The following ANXA10 variants were observed in gnomAD, a reference collection of about 807,000 sequenced individuals.
The protein encoded by ANXA10 is annexin A10.
ANXA10 carries 49 observed loss-of-function variants against 53.5 expected under a neutral mutation model. The ratio of observed to expected loss-of-function variants is 0.92; its 90% CI spans 0.73 to 1.16. The LOEUF (loss-of-function observed/expected upper bound fraction) is 1.16. Ranked by LOEUF, ANXA10 falls within the 50% of genes most tolerant of loss-of-function variation. The pLI is 0.00. For synonymous variants in ANXA10, 131 were observed against 128.9 expected (o/e 1.02, Z -0.11); for missense variants, 393 against 394.4 (o/e 1.00, Z 0.03).
chr4:168,127,934 G>A (rs1731098545), intron 1 of ANXA10, 150 bp from the exon 2 acceptor site: 2 of 587,294 alleles, frequency 3.4e-6, no homozygotes, highest in African/African-American at 4.0e-5. Flanking sequence ...ATGTTGGCCA[G>A]GTTGGTCTTC....
chr4:168,176,607 T>C (rs1732133805), intron 6 of ANXA10, among the ~76,000 whole-genome samples: 1 of 152,108 alleles, frequency 6.6e-6, no homozygotes, highest in Admixed American at 6.5e-5. Context: ...TCATACTATT[T>C]AGGGACTGAG....
chr4:168,095,250 A>T (rs1207826213), intron 1 of ANXA10, among the ~76,000 whole-genome samples: 2 of 151,986 alleles, frequency 1.3e-5, no homozygotes, highest in African/African-American at 4.8e-5. Context: ...CTGTTTTGTC[A>T]TCAGCTGATC....
intron 1 of ANXA10, among the ~76,000 whole-genome samples, chr4:168,122,123 A>G (rs1350724633): frequency 6.6e-6 from 1 of 152,178 alleles, no homozygotes; most frequent in Non-Finnish European, 1.5e-5. Context: ...TACTGGCGTG[A>G]GCCACCGCCC....
At chr4:168,111,860 C>T (rs1478500440) in intron 1 of ANXA10, among the ~76,000 whole-genome samples, 1 of 152,098 alleles carries the variant, frequency 6.6e-6, no homozygotes, top group African/African-American at 2.4e-5. Context: ...CAATAAAAAG[C>T]ATGTAATGAC....
chr4:168,118,194 C>G (rs1730929559), intron 1 of ANXA10, among the ~76,000 whole-genome samples: 1 of 151,112 alleles, frequency 6.6e-6, no homozygotes, highest in Non-Finnish European at 1.5e-5. Flanking sequence ...TTGTAAAACT[C>G]TAAAGAAACA....
At chr4:168,179,045 T>C (rs1182028295) in intron 8 of ANXA10, among the ~76,000 whole-genome samples, 172 bp from the exon 9 acceptor site, 3 of 152,230 alleles carry the variant, frequency 2.0e-5, no homozygotes, top group African/African-American at 7.2e-5. Flanking sequence ...TTATGCTGAC[T>C]CTACTAAGAG....
chr4:168,130,617 G>T (rs1201282276), intron 2 of ANXA10, among the ~76,000 whole-genome samples: 1 of 151,838 alleles, frequency 6.6e-6, no homozygotes, highest in East Asian at 1.9e-4. Flanking sequence ...TATTTTGTGG[G>T]TTATTAATTA....
rs573348187 is a variant in ANXA10 at position 168,097,393 on chromosome 4, T to C, written c.18+4675T>C. Among the ~76,000 whole-genome samples, 5 of 152,206 alleles carry C rather than the reference T, an allele frequency of 3.3e-5. No individual in the cohort carries two copies. The South Asian group carries it at 1.0e-3, about 32-fold the overall frequency. ...CCAGAAGTATTCCAGGGCCAAATTC[T>C]TGAAACTCTTCTCCTTCCTCCTTAT... On this transcript the variant is annotated intron_variant, in intron 1 of 11. Transcript: ENST00000359299.
intron 10 of ANXA10, among the ~76,000 whole-genome samples, 191 bp from the exon 11 acceptor site, chr4:168,184,368 C>T (rs371650641): frequency 6.6e-6 from 1 of 152,046 alleles, no homozygotes; most frequent in Non-Finnish European, 1.5e-5. Context: ...TGTCAGCATG[C>T]GGTAAGGGAG....
chr4:168,099,719 T>G (rs1461850984), intron 1 of ANXA10, among the ~76,000 whole-genome samples: 2 of 152,106 alleles, frequency 1.3e-5, no homozygotes, highest in Non-Finnish European at 2.9e-5. Flanking sequence ...TTCAAGATAT[T>G]CAATGACTTC....
At chr4:168,161,890 G>A (rs1442331014) in intron 3 of ANXA10, among the ~76,000 whole-genome samples, 5 of 151,862 alleles carry the variant, frequency 3.3e-5, no homozygotes, top group South Asian at 2.1e-4. Flanking sequence ...TATAGGAAGA[G>A]CATATATATA....
rs568404989 is a variant in ANXA10, at chr4:168,164,122, C to G, written c.310-76C>G. 1.7e-5 allele frequency: 19 copies of G among 1,091,828 alleles called. No homozygotes were observed. In the African/African-American group the frequency reaches 1.9e-4, roughly 11 times the overall value. 67.6% of individuals were successfully genotyped at this position (1,091,828 alleles called of 1,614,324 possible). On this transcript the variant is annotated intron_variant, in intron 4 of 11. Transcript: ENST00000359299. ...CTCAAAACACTGGAAATGCTGTATC[C>G]CTTTCTTGTACAAAAGGTACACTAT...
At position 168,100,798 on chromosome 4, in the gene ANXA10, C is replaced by T. The variant is rs551227898; in HGVS notation, c.18+8080C>T. On this transcript the variant is annotated intron_variant, in intron 1 of 11. Coordinates refer to ENST00000359299, the MANE Select transcript of ANXA10 (RefSeq NM_007193.5). ...TTGTTTTGGGAACATTTCAGATTTA[C>T]AAGAAAAAGTTGTCAAAATAATTCA... Among the ~76,000 whole-genome samples, 88 of 152,106 alleles carry T rather than the reference C, an allele frequency of 5.8e-4. 1 individual carries two copies. The South Asian group carries it at 0.014, about 24-fold the overall frequency.
chr4:168,165,103 G>A (rs935167899), intron 5 of ANXA10, 144 bp from the exon 6 acceptor site: 2 of 421,424 alleles, frequency 4.7e-6, no homozygotes, highest in Non-Finnish European at 8.6e-6. Context: ...TTTGGCAGAC[G>A]GTTTATTGAC....
At chr4:168,125,585 A>C (rs1398060794) in intron 1 of ANXA10, among the ~76,000 whole-genome samples, 1 of 152,192 alleles carries the variant, frequency 6.6e-6, no homozygotes, top group Non-Finnish European at 1.5e-5. Context: ...ATTGGCTATG[A>C]ATAAGTGAAA....
chr4:168,147,398 C>T (rs1405719959), intron 3 of ANXA10, among the ~76,000 whole-genome samples: 1 of 152,156 alleles, frequency 6.6e-6, no homozygotes, highest in Non-Finnish European at 1.5e-5. Flanking sequence ...CAAGAGGCGC[C>T]TTTGAGAAGC....
chr4:168,095,722 T>A (rs762010291), intron 1 of ANXA10, among the ~76,000 whole-genome samples: 15 of 152,050 alleles, frequency 9.9e-5, no homozygotes, highest in Non-Finnish European at 2.2e-4. Flanking sequence ...TTTTTCCAGA[T>A]GAAAATACTA....
chr4:168,181,825 T>C lies in ANXA10; in HGVS notation c.783+84T>C, dbSNP rs544848527. 135 of 1,040,904 alleles carry C rather than the reference T, an allele frequency of 1.3e-4. 2 individuals carry two copies. The South Asian group carries it at 1.7e-3, about 13-fold the overall frequency. 64.5% of individuals were successfully genotyped at this position (1,040,904 alleles called of 1,614,324 possible). Reference sequence around the variant, plus strand: ...ATTAATTTTACTTCCATCATTTAAATGTTCATTACCATTTTTGAACTTGTA... The same window carrying C: ...ATTAATTTTACTTCCATCATTTAAACGTTCATTACCATTTTTGAACTTGTA... On this transcript the variant is annotated intron_variant, in intron 10 of 11. Coordinates refer to ENST00000359299, the MANE Select transcript of ANXA10 (RefSeq NM_007193.5).
At chr4:168,151,474 A>C (rs1731495930) in intron 3 of ANXA10, among the ~76,000 whole-genome samples, 1 of 152,198 alleles carries the variant, frequency 6.6e-6, no homozygotes, top group Admixed American at 6.5e-5. Flanking sequence ...GGCAACACAG[A>C]ACAGCTCAAT....
Sources: gnomAD v4.1 joint callset for allele counts (sites outside exome capture counted in the v4.1 genomes callset) on GRCh38, gnomAD v4.1.1 for gene constraint, MANE v1.5 for transcripts, NCBI Gene and HGNC (gene_info 2026-07-23, HGNC 2026-07-21) for gene names.